The following RNF2 variants were observed in gnomAD, a reference collection of about 807,000 sequenced individuals.
RNF2 encodes the protein E3 ubiquitin-protein ligase RING2.
A neutral mutation model predicts 37.2 loss-of-function variants in RNF2; 6 were observed. The observed-to-expected ratio is 0.16, with a 90% CI of 0.09 to 0.32. The LOEUF (loss-of-function observed/expected upper bound fraction) is 0.32, where lower values mean the gene tolerates loss of function less well. Among genes scored for constraint, RNF2 ranks in the 10% least tolerant of loss-of-function variants. RNF2 has a pLI of 1.00. For missense variants in RNF2, 251 were observed against 404.0 expected, an observed-to-expected ratio of 0.62 and a Z score of 3.25; for synonymous variants, 133 against 132.7, an observed-to-expected ratio of 1.00 and a Z score of -0.02.
At chr1:185,100,077 G>A (rs896924841) in intron 6 of RNF2, 115 bp downstream of exon 6, 15 of 1,204,298 alleles carry the variant, frequency 1.2e-5, no homozygotes, top group African/African-American at 9.2e-5. Context: ...ACAGTGTTAA[G>A]TGACAAGTAG....
intron 1 of RNF2, among the ~76,000 whole-genome samples, chr1:185,082,309 C>G (rs1397573927): frequency 6.9e-6 from 1 of 145,674 alleles, no homozygotes; most frequent in Non-Finnish European, 1.5e-5. Flanking sequence ...GGTCACTATG[C>G]TCCGCGTCTT....
At chr1:185,068,715 CT>C (rs1212539278) in intron 1 of RNF2, among the ~76,000 whole-genome samples, 1 of 152,180 alleles carries the variant, frequency 6.6e-6, no homozygotes, top group Non-Finnish European at 1.5e-5. Flanking sequence ...TGTTATAAGC[CT>C]TCAAATTTGT....
In RNF2 at chr1:185,095,670, CTA is replaced by C. The variant is rs551138228; in HGVS notation, c.464+2396_464+2397del. Among the ~76,000 whole-genome samples, 19 of 152,232 alleles carry C rather than the reference CTA, an allele frequency of 1.2e-4. No homozygotes were observed. The South Asian group carries it at 3.7e-3, about 30-fold the overall frequency. On this transcript the variant is annotated intron_variant, in intron 4 of 6. Transcript: ENST00000367510. ...TAGTAGCTGCTCAGTAAATATTTATCTATGTGTGAATTTTTAAGTTCTTCCTT... is the reference window on the plus strand; with the variant it reads ...TAGTAGCTGCTCAGTAAATATTTATCTGTGTGAATTTTTAAGTTCTTCCTT...
At chr1:185,072,556 A>G (rs1207942570) in intron 1 of RNF2, among the ~76,000 whole-genome samples, 1 of 152,050 alleles carries the variant, frequency 6.6e-6, no homozygotes, top group Admixed American at 6.6e-5. Context: ...CTTGGGGGGA[A>G]GAAATCATTC....
intron 1 of RNF2, among the ~76,000 whole-genome samples, chr1:185,046,793 A>G (rs1259176480): frequency 3.9e-5 from 6 of 152,234 alleles, no homozygotes; most frequent in African/African-American, 1.4e-4. Context: ...TTTGCATTAC[A>G]TAATCTACTT....
chr1:185,100,034 G>T, intron 6 of RNF2, 72 bp downstream of exon 6: 4 of 1,402,450 alleles, frequency 2.9e-6, no homozygotes, highest in South Asian at 2.6e-5. Flanking sequence ...CAAGTGGTGG[G>T]GTAGAATCTA....
intron 1 of RNF2, among the ~76,000 whole-genome samples, chr1:185,049,493 T>C (rs980617114): frequency 4.6e-5 from 7 of 152,132 alleles, no homozygotes; most frequent in African/African-American, 1.7e-4. Context: ...CTTTATGAAA[T>C]AGTTTTTATG....
chr1:185,071,153 ATACTT>A (rs1423738212), intron 1 of RNF2, among the ~76,000 whole-genome samples: 1 of 152,170 alleles, frequency 6.6e-6, no homozygotes, highest in Non-Finnish European at 1.5e-5. Flanking sequence ...CAGTAAATCT[ATACTT>A]TACATATGAA....
intron 1 of RNF2, among the ~76,000 whole-genome samples, chr1:185,057,059 G>C (rs1363686536): frequency 6.6e-6 from 1 of 152,132 alleles, no homozygotes; most frequent in African/African-American, 2.4e-5. Context: ...CTGTAATCCA[G>C]TACTTTGGGA....
At chr1:185,087,509 C>T (rs1651637410) in intron 1 of RNF2, 43 bp from the exon 2 acceptor site, 7 of 1,545,666 alleles carry the variant, frequency 4.5e-6, no homozygotes, top group Non-Finnish European at 6.3e-6. Flanking sequence ...TAGCACTTCC[C>T]TTCCAAATAC....
chr1:185,046,254 C>G (rs979828970), intron 1 of RNF2: 1 of 152,240 alleles, frequency 6.6e-6, no homozygotes, highest in African/African-American at 2.4e-5. Flanking sequence ...TCCTGGAGTG[C>G]CGCCTCCTGC....
At chr1:185,070,812 A>G (rs1650949134) in intron 1 of RNF2, among the ~76,000 whole-genome samples, 1 of 150,984 alleles carries the variant, frequency 6.6e-6, no homozygotes, top group South Asian at 2.1e-4. Context: ...TCATTTTTTT[A>G]TTTTTAGTAG....
intron 1 of RNF2, among the ~76,000 whole-genome samples, chr1:185,072,715 C>T (rs1036162416): frequency 5.3e-5 from 8 of 151,906 alleles, no homozygotes; most frequent in East Asian, 3.9e-4. Context: ...CTGAGGCGGG[C>T]GGATCATGAG....
At chr1:185,088,716 A>G (rs1459537939) in intron 2 of RNF2, among the ~76,000 whole-genome samples, 2 of 152,230 alleles carry the variant, frequency 1.3e-5, no homozygotes, top group South Asian at 2.1e-4. Flanking sequence ...TGTGGATTCA[A>G]GCAACCACAA....
intron 1 of RNF2, among the ~76,000 whole-genome samples, chr1:185,075,312 T>C (rs1305715769): frequency 1.3e-5 from 2 of 152,144 alleles, no homozygotes; most frequent in Non-Finnish European, 1.5e-5. Context: ...AGCATGTCCA[T>C]AGAGATTCTG....
At chr1:185,097,845 T>C (rs1178316764) in intron 4 of RNF2, among the ~76,000 whole-genome samples, 1 of 152,256 alleles carries the variant, frequency 6.6e-6, no homozygotes, top group African/African-American at 2.4e-5. Flanking sequence ...AGTAAAATTA[T>C]TAAGTGAATA....
intron 1 of RNF2, among the ~76,000 whole-genome samples, chr1:185,074,888 A>C (rs1203449512): frequency 1.3e-5 from 2 of 152,164 alleles, no homozygotes; most frequent in African/African-American, 4.8e-5. Flanking sequence ...AAGGGACTTG[A>C]GTATCCATGG....
At position 185,101,832 on chromosome 1, in the gene RNF2, GT is replaced by G. The variant is rs768356678; in HGVS notation, c.*1553del. 28,574 of 96,532 alleles carry G rather than the reference GT, an allele frequency of 0.3. 2,008 individuals carry two copies. Among genetic ancestry groups the G allele is most frequent in the Middle Eastern group, 0.45 (58 of 128 alleles). The allele number at this position is 96,532 out of a possible 1,614,324, so 6.0% of individuals were successfully genotyped here. The stretch of plus-strand genomic sequence containing the variant: ...AATATTTAAAATCTGTTTTTACAGG[GT>G]TTTTTTTTTTTTTTTTTTTTTGTAA... On this transcript the variant is annotated 3_prime_UTR_variant, in exon 7 of 7. Coordinates refer to ENST00000367510, the MANE Select transcript of RNF2 (RefSeq NM_007212.4).
chr1:185,077,144 A>AT (rs141998871), intron 1 of RNF2, among the ~76,000 whole-genome samples: 11 of 151,846 alleles, frequency 7.2e-5, no homozygotes, highest in South Asian at 2.1e-4. Context: ...CCTTTTTGGC[A>AT]TTTTTTTTAT....
Sources: allele counts gnomAD v4.1 joint callset (sites outside exome capture counted in the v4.1 genomes callset), GRCh38; gene constraint gnomAD v4.1.1; transcripts MANE v1.5; gene names NCBI Gene and HGNC (gene_info 2026-07-23, HGNC 2026-07-21).